The following DCC variants were observed in gnomAD, a reference collection of about 807,000 sequenced individuals.
DCC encodes netrin receptor DCC.
Under a neutral mutation model 172.5 loss-of-function variants are expected in DCC, and 58 were observed. The ratio of observed to expected loss-of-function variants is 0.34; its 90% CI spans 0.27 to 0.42. The LOEUF is 0.42. Ranked by LOEUF, DCC falls within the 10% of genes least tolerant of loss-of-function variation. The pLI is 1.00. For synonymous variants in DCC, 709 were observed against 644.5 expected (o/e 1.10, Z -1.52); for missense variants, 1,740 against 1,791.0 (o/e 0.97, Z 0.51).
At chr18:52,977,849 C>A (rs1377680602) in intron 5 of DCC, among the ~76,000 whole-genome samples, 1 of 149,108 alleles carries the variant, frequency 6.7e-6, no homozygotes, top group African/African-American at 2.5e-5. Context: ...CACACCACTG[C>A]ACTCCAGCCT....
intron 1 of DCC, among the ~76,000 whole-genome samples, chr18:52,564,419 A>G (rs1486833887): frequency 6.6e-6 from 1 of 152,106 alleles, no homozygotes; most frequent in Non-Finnish European, 1.5e-5. Flanking sequence ...ACTAATAGTC[A>G]TCGTGTTTTC....
chr18:52,540,766 C>T (rs955082923), intron 1 of DCC, among the ~76,000 whole-genome samples: 14 of 151,818 alleles, frequency 9.2e-5, no homozygotes, highest in Admixed American at 7.2e-4. Context: ...GCCACCACGC[C>T]CAGCTAATTT....
chr18:53,462,774 G>A (rs1291696326), intron 24 of DCC, among the ~76,000 whole-genome samples: 1 of 152,068 alleles, frequency 6.6e-6, no homozygotes, highest in East Asian at 1.9e-4. Flanking sequence ...TGAAGTCCAG[G>A]CTTACCACCT....
chr18:52,395,104 C>T (rs1028923048), intron 1 of DCC, among the ~76,000 whole-genome samples: 16 of 152,016 alleles, frequency 1.1e-4, no homozygotes, highest in African/African-American at 3.9e-4. Context: ...AGACAACAAT[C>T]CTTTGTGTTT....
Position 53,024,610 on chromosome 18 carries a change from A to G in DCC, c.986-38695A>G, listed in dbSNP as rs543837870. 4.9e-4 allele frequency among the ~76,000 whole-genome samples: 75 copies of G among 152,292 alleles called. 4 individuals carry two copies. The South Asian group carries it at 0.015, about 31-fold the overall frequency. On this transcript the variant is annotated intron_variant, in intron 5 of 28. Coordinates refer to ENST00000442544, the MANE Select transcript of DCC (RefSeq NM_005215.4). ...TGTAATTCCACAAAGGAGACCCAAT[A>G]GTTCCTAGTAAGGAAGCCAAGGACT...
intron 1 of DCC, among the ~76,000 whole-genome samples, chr18:52,587,092 A>C (rs534497078): frequency 6.6e-6 from 1 of 152,326 alleles, no homozygotes; most frequent in East Asian, 1.9e-4. Context: ...CAGTGAGGAC[A>C]AACCTCTGCC....
intron 9 of DCC, among the ~76,000 whole-genome samples, chr18:53,182,236 G>T (rs2055208841): frequency 6.6e-6 from 1 of 152,178 alleles, no homozygotes; most frequent in Non-Finnish European, 1.5e-5. Context: ...GAAACATGAT[G>T]CAGCCATGAA....
chr18:53,176,774 T>C (rs898581997), intron 8 of DCC, among the ~76,000 whole-genome samples: 17 of 151,650 alleles, frequency 1.1e-4, no homozygotes, highest in Non-Finnish European at 2.2e-4. Flanking sequence ...AGTGTGGCGA[T>C]TCCTCAGGGA....
At chr18:52,767,148 TTC>T (rs10590854) in intron 2 of DCC, among the ~76,000 whole-genome samples, 12,039 of 151,648 alleles carry the variant, frequency 0.079, 1,574 homozygotes, top group African/African-American at 0.28. Context: ...CTTTTTAAAG[TTC>T]TTAGCACCAA....
chr18:52,986,454 C>T (rs2041294362), intron 5 of DCC, among the ~76,000 whole-genome samples: 1 of 152,008 alleles, frequency 6.6e-6, no homozygotes, highest in South Asian at 2.1e-4. Context: ...AGAGTAGCTC[C>T]CACCTCCTAA....
rs372103085 is a variant in DCC at position 53,434,730 on chromosome 18, A to G, written c.3164-414A>G. On this transcript the variant is annotated intron_variant, in intron 21 of 28. Transcript: ENST00000442544. ...TGTGCTGGCCCCTTGTAGGATAACAATAATTTTCCATAAAGTCTTGTCAGT... is the reference window on the plus strand; with the variant it reads ...TGTGCTGGCCCCTTGTAGGATAACAGTAATTTTCCATAAAGTCTTGTCAGT... Among the ~76,000 whole-genome samples the G allele has an allele frequency of 7.9e-5, 12 of 152,324 alleles. No individual in the cohort carries two copies. In the East Asian group the frequency reaches 2.3e-3, roughly 29 times the overall value.
chr18:53,434,696 A>C (rs771478449), intron 21 of DCC, among the ~76,000 whole-genome samples: 86 of 152,170 alleles, frequency 5.7e-4, no homozygotes, highest in Admixed American at 1.2e-3. Context: ...GCCCAGTTAT[A>C]AGATGAAATG....
chr18:53,179,138 C>T, intron 9 of DCC, 22 bp downstream of exon 9: 1 of 1,608,610 alleles, frequency 6.2e-7, no homozygotes, highest in South Asian at 1.1e-5. Context: ...AAGGAACGGG[C>T]CACATTTAAA....
chr18:52,693,284 A>C (rs2035959445), intron 1 of DCC, among the ~76,000 whole-genome samples: 1 of 150,070 alleles, frequency 6.7e-6, no homozygotes, highest in African/African-American at 2.4e-5. Context: ...TATTTAATAC[A>C]TACACATTAT....
chr18:53,234,592 T>A lies in DCC; in HGVS notation c.1911+18995T>A, dbSNP rs138264139. 4.3e-3 allele frequency among the ~76,000 whole-genome samples: 660 copies of A among 152,230 alleles called. 5 individuals carry two copies. Among genetic ancestry groups the A allele is most frequent in the African/African-American group, 0.015 (623 of 41,534 alleles). On this transcript the variant is annotated intron_variant, in intron 12 of 28. Transcript: ENST00000442544. ...TCTTAAACAGTGACTTAGGGTCACG[T>A]GTTTAAAAGAAAATTAGTTATAAAA...
chr18:52,917,276 G>A (rs1193909668), intron 3 of DCC, among the ~76,000 whole-genome samples: 1 of 152,018 alleles, frequency 6.6e-6, no homozygotes, highest in East Asian at 1.9e-4. Flanking sequence ...CTGAGATCAT[G>A]CCACTGCAAC....
At chr18:53,153,272 A>C (rs1598853634) in intron 7 of DCC, among the ~76,000 whole-genome samples, 1 of 152,226 alleles carries the variant, frequency 6.6e-6, no homozygotes, top group African/African-American at 2.4e-5. Flanking sequence ...ATAACTGGTA[A>C]GTTATAGAGG....
At chr18:52,788,308 C>A (rs1424977179) in intron 2 of DCC, among the ~76,000 whole-genome samples, 2 of 152,090 alleles carry the variant, frequency 1.3e-5, no homozygotes, top group African/African-American at 2.4e-5. Context: ...CTCTTTGCAA[C>A]TTTTAATGAA....
intron 12 of DCC, among the ~76,000 whole-genome samples, chr18:53,220,167 G>T (rs893509465): frequency 6.6e-6 from 1 of 152,158 alleles, no homozygotes; most frequent in Non-Finnish European, 1.5e-5. Context: ...TTAAATTGCA[G>T]ATCCTCTGTG....
Sources: gnomAD v4.1 joint callset for allele counts (sites outside exome capture counted in the v4.1 genomes callset) on GRCh38, gnomAD v4.1.1 for gene constraint, MANE v1.5 for transcripts, NCBI Gene and HGNC (gene_info 2026-07-23, HGNC 2026-07-21) for gene names.